Variants in IL2RB observed in about 807,000 individuals in gnomAD.
The protein encoded by IL2RB is interleukin 2 receptor subunit beta.
IL2RB carries 17 observed loss-of-function variants against 44.2 expected under a neutral mutation model. The ratio of observed to expected loss-of-function variants is 0.38; its 90% confidence interval spans 0.26 to 0.58. IL2RB has a LOEUF of 0.58. Ranked by LOEUF, IL2RB falls within the 20% of genes least tolerant of loss-of-function variation. The pLI is 0.63. For synonymous variants in IL2RB, 286 were observed against 297.9 expected, an observed-to-expected ratio of 0.96 and a Z score of 0.41; for missense variants, 624 against 685.5, an observed-to-expected ratio of 0.91 and a Z score of 1.00.
chr22:37,132,316 C>G, intron 9 of IL2RB, 68 bp downstream of exon 9: 1 of 1,263,122 alleles, frequency 7.9e-7, no homozygotes, highest in Non-Finnish European at 1.1e-6. Flanking sequence ...AAATTAGCTA[C>G]TAACCTGCCA....
In IL2RB at chr22:37,128,493, G is replaced by C; in HGVS notation, c.1259C>G (p.Thr420Ser). The change falls in exon 10 of 10, where the codon ACC becomes AGC. Residue 420 changes from threonine to serine, a missense_variant. Around this residue, in one of 3 missense-constraint regions of IL2RB, gnomAD observed 291 missense variants for 275.5 expected, o/e 1.06. Transcript: ENST00000216223. This position sits in a 1 kb window ranked among gnomAD's most constrained non-coding sequence, Gnocchi z 4.5. ...PLSGEDDAYC[T>S]FPSRDDLLLF... is the part of the protein sequence containing the mutation. Reference sequence around the variant, plus strand: ...CAGCAGGTCATCCCTGGAGGGGAAGGTGCAGTAGGCGTCGTCCTCCCCTGA... The same window carrying C: ...CAGCAGGTCATCCCTGGAGGGGAAGCTGCAGTAGGCGTCGTCCTCCCCTGA... 1.2e-6 allele frequency: 2 copies of C among 1,606,930 alleles called. No individual in the cohort carries two copies. The highest frequency in any genetic ancestry group is 1.7e-6 in the Non-Finnish European group (2 of 1,175,170).
chr22:37,150,520 A>C (rs183886450), upstream of IL2RB, among the ~76,000 whole-genome samples: 4 of 152,326 alleles, frequency 2.6e-5, no homozygotes, highest in South Asian at 2.1e-4. Flanking sequence ...ACAATGTATA[A>C]TAATCACATC....
At chr22:37,142,180 C>T (rs1269799818) in intron 4 of IL2RB, among the ~76,000 whole-genome samples, 1 of 152,222 alleles carries the variant, frequency 6.6e-6, no homozygotes, top group Non-Finnish European at 1.5e-5. Context: ...GCAGGGGAGA[C>T]AGCAGGAGCA....
intron 2 of IL2RB, 121 bp downstream of exon 2, chr22:37,143,964 G>C: frequency 7.5e-7 from 1 of 1,327,564 alleles, no homozygotes; most frequent in Admixed American, 2.0e-5. Context: ...CAGGACAGAG[G>C]GTGAGGCAGG....
chr22:37,134,752 C>A lies in IL2RB; in HGVS notation c.818+576G>T, dbSNP rs1921598178. ...TACGTCGACATCCTCCTCTGCCATC[C>A]TGATCCCGGTGTGTCATTACACACC... On this transcript the variant is annotated intron_variant, in intron 8 of 9. Transcript: ENST00000216223. Among the ~76,000 whole-genome samples, 2 of 152,198 alleles carry A rather than the reference C, an allele frequency of 1.3e-5. 1 individual carries two copies. Among genetic ancestry groups the A allele is most frequent in the South Asian group, 4.1e-4 (2 of 4,832 alleles).
At chr22:37,159,037 C>G (rs1006017656) in intron 1 of IL2RB, among the ~76,000 whole-genome samples, 6 of 152,260 alleles carry the variant, frequency 3.9e-5, no homozygotes, top group African/African-American at 1.4e-4. Flanking sequence ...GTACCCACAA[C>G]GGTTTCCGCT....
Position 37,156,729 on chromosome 22 carries a change from G to C in IL2RB, c.-33-12524C>G, listed in dbSNP as rs146318305. Among the ~76,000 whole-genome samples the C allele has an allele frequency of 1.6e-4, 24 of 152,350 alleles. No homozygotes were observed. In the East Asian group the frequency reaches 4.6e-3, roughly 29 times the overall value. ...GCTGCAGAGGAGGCTGGGAGATGTA[G>C]CCAGCTATAAGTAGAGGGCACACGG... On this transcript the variant is annotated intron_variant, in intron 1 of 5. Coordinates refer to the IL2RB transcript ENST00000429622.
chr22:37,159,013 A>T (rs866759434), intron 1 of IL2RB, among the ~76,000 whole-genome samples: 25 of 152,394 alleles, frequency 1.6e-4, no homozygotes, highest in Admixed American at 9.8e-4. Flanking sequence ...TGATGGGGAC[A>T]GTCAAGAAAG....
chr22:37,143,769 A>AT, intron 2 of IL2RB, 134 bp from the exon 3 acceptor site: 2 of 697,854 alleles, frequency 2.9e-6, no homozygotes, highest in Admixed American at 4.8e-5. Context: ...CGGAGAAGGG[A>AT]TTCATGGACC....
intron 1 of IL2RB, among the ~76,000 whole-genome samples, chr22:37,156,461 G>A (rs1159329687): frequency 1.3e-5 from 2 of 152,210 alleles, no homozygotes; most frequent in East Asian, 3.9e-4. Flanking sequence ...GCTTTATGAT[G>A]TCAGGATCCT....
chr22:37,160,828 AGC>A (rs1922841158), intron 1 of IL2RB, among the ~76,000 whole-genome samples: 1 of 151,880 alleles, frequency 6.6e-6, no homozygotes, highest in African/African-American at 2.4e-5. Context: ...TGGGTGACAG[AGC>A]GAGACTCAGT....
intron 1 of IL2RB, among the ~76,000 whole-genome samples, chr22:37,167,156 C>T (rs1166186987): frequency 6.6e-6 from 1 of 152,154 alleles, no homozygotes; most frequent in Non-Finnish European, 1.5e-5. Context: ...AACGGGAGCA[C>T]CTCCTTCTCC....
chr22:37,139,727 C>G (rs1210595100), intron 4 of IL2RB, among the ~76,000 whole-genome samples: 3 of 152,208 alleles, frequency 2.0e-5, no homozygotes, highest in Non-Finnish European at 1.5e-5. Flanking sequence ...ATCCCTACGC[C>G]TTGAATTTTC....
chr22:37,154,133 T>C (rs562072664), upstream of IL2RB, among the ~76,000 whole-genome samples: 1 of 152,244 alleles, frequency 6.6e-6, no homozygotes, highest in Admixed American at 6.5e-5. Context: ...GCCCCTGAGA[T>C]GTGCAGCAGC....
intron 1 of IL2RB, among the ~76,000 whole-genome samples, chr22:37,170,529 C>T (rs565955958): frequency 5.3e-5 from 8 of 152,242 alleles, no homozygotes; most frequent in Admixed American, 1.3e-4. Flanking sequence ...TAATGACAGG[C>T]GTGGCCTCTT....
At chr22:37,130,936 G>C (rs894491766) in intron 9 of IL2RB, among the ~76,000 whole-genome samples, 2 of 152,364 alleles carry the variant, frequency 1.3e-5, no homozygotes, top group Non-Finnish European at 2.9e-5. Context: ...GGAGGCCGAG[G>C]CGGGCAGATC....
At chr22:37,149,532 C>T (rs1283134761) in intron 1 of IL2RB, among the ~76,000 whole-genome samples, 1 of 152,198 alleles carries the variant, frequency 6.6e-6, no homozygotes, top group African/African-American at 2.4e-5. Context: ...GTTGGGGGCC[C>T]AGCACACAGA....
At chr22:37,144,893 A>G (rs1922154919) in intron 1 of IL2RB, among the ~76,000 whole-genome samples, 1 of 152,192 alleles carries the variant, frequency 6.6e-6, no homozygotes, top group South Asian at 2.1e-4. Context: ...CTCACTAAGG[A>G]CAGGTATTTT....
At chr22:37,131,488 G>A (rs772338496) in intron 9 of IL2RB, among the ~76,000 whole-genome samples, 8 of 152,214 alleles carry the variant, frequency 5.3e-5, no homozygotes, top group Non-Finnish European at 8.8e-5. Flanking sequence ...AGGAGACGAC[G>A]GAATCTGAGA....
Sources: allele counts gnomAD v4.1 joint callset (sites outside exome capture counted in the v4.1 genomes callset), GRCh38; gene constraint gnomAD v4.1.1; regional missense constraint gnomAD v4.1.1; non-coding constraint Gnocchi (gnomAD v3.1); transcripts MANE v1.5; gene names NCBI Gene and HGNC (gene_info 2026-07-23, HGNC 2026-07-21).